The following CDH6 variants were observed in gnomAD, a reference collection of about 807,000 sequenced individuals.
CDH6 encodes cadherin 6.
A neutral mutation model predicts 78.0 loss-of-function variants in CDH6; 31 were observed. The ratio of observed to expected loss-of-function variants is 0.40; its 90% CI spans 0.30 to 0.54. The LOEUF (loss-of-function observed/expected upper bound fraction) is 0.54, where lower values mean the gene tolerates loss of function less well. Among genes scored for constraint, CDH6 ranks in the 20% least tolerant of loss-of-function variants. CDH6 has a pLI of 0.56. For synonymous variants in CDH6, 376 were observed against 368.8 expected, an observed-to-expected ratio of 1.02 and a Z score of -0.23; for missense variants, 724 against 975.9, an observed-to-expected ratio of 0.74 and a Z score of 3.44.
At chr5:31,318,632 G>C (rs972707369) in intron 11 of CDH6, 1 of 229,282 alleles carries the variant, frequency 4.4e-6, no homozygotes, top group African/African-American at 2.2e-5. Flanking sequence ...AAGCCTACAA[G>C]TCGAGCTCAG....
intron 1 of CDH6, among the ~76,000 whole-genome samples, chr5:31,196,883 C>T (rs973724412): frequency 6.6e-6 from 1 of 152,104 alleles, no homozygotes; most frequent in Non-Finnish European, 1.5e-5. Context: ...TACTTCCTTA[C>T]TTCTAATTTA....
chr5:31,219,728 T>G (rs754090895), intron 1 of CDH6, among the ~76,000 whole-genome samples: 23 of 152,198 alleles, frequency 1.5e-4, no homozygotes, highest in Non-Finnish European at 2.5e-4. Flanking sequence ...TATATATTGT[T>G]CTTTGTTGGG....
At chr5:31,222,892 G>A (rs941685368) in intron 1 of CDH6, among the ~76,000 whole-genome samples, 2 of 152,024 alleles carry the variant, frequency 1.3e-5, no homozygotes, top group African/African-American at 4.8e-5. Flanking sequence ...ATGATCCTTA[G>A]ATATTTGAGG....
chr5:31,290,152 C>T (rs908338858), intron 2 of CDH6, among the ~76,000 whole-genome samples: 91 of 152,062 alleles, frequency 6.0e-4, no homozygotes, highest in African/African-American at 1.8e-3. Flanking sequence ...CCCAGCTACA[C>T]GGCAGGCTGA....
Position 31,302,903 on chromosome 5 carries a change from A to AAAAGAAAGAAAGAAAGAAAGAAAGAAAG in CDH6, c.999+632_999+659dup, listed in dbSNP as rs70953502. 4.0e-4 allele frequency among the ~76,000 whole-genome samples: 36 copies of AAAAGAAAGAAAGAAAGAAAGAAAGAAAG among 90,420 alleles called. 1 individual carries two copies. Among genetic ancestry groups the AAAAGAAAGAAAGAAAGAAAGAAAGAAAG allele is most frequent in the Non-Finnish European group, 5.1e-4 (22 of 43,312 alleles). The allele number at this position is 90,420 out of a possible 152,430, so 59.3% of individuals were successfully genotyped here. Reference sequence around the variant, plus strand: ...GGAAGGAAGGAAAGAAAGAAAGAAAAAAAGAAAGAAAGAAAGAAAGAAAGA... The same window carrying AAAAGAAAGAAAGAAAGAAAGAAAGAAAG: ...GGAAGGAAGGAAAGAAAGAAAGAAAAAAAGAAAGAAAGAAAGAAAGAAAGAAAGAAAGAAAGAAAGAAAGAAAGAAAGA... On this transcript the variant is annotated intron_variant, in intron 6 of 11. Coordinates refer to ENST00000265071, the MANE Select transcript of CDH6 (RefSeq NM_004932.4).
At position 31,267,472 on chromosome 5, in the gene CDH6, G is replaced by C; in HGVS notation, c.-2G>C. 6.2e-7 allele frequency: 1 copy of C among 1,613,428 alleles called. No homozygotes were observed. Among genetic ancestry groups the C allele is most frequent in the Non-Finnish European group, 8.5e-7 (1 of 1,179,388 alleles). On this transcript the variant is annotated 5_prime_UTR_variant, in exon 2 of 12. Transcript: ENST00000265071. The stretch of plus-strand genomic sequence containing the variant: ...ACGCACAGACTCGACGGTGCCATCA[G>C]CATGAGAACTTACCGCTACTTCTTG...
chr5:31,248,316 G>C (rs185834837), intron 1 of CDH6, among the ~76,000 whole-genome samples: 2 of 152,134 alleles, frequency 1.3e-5, no homozygotes, highest in African/African-American at 4.8e-5. Context: ...CCACCTCTCT[G>C]TCCTTTTTCC....
In CDH6 at chr5:31,302,946, AGAAAGAAAGAAG is replaced by A. The variant is rs1474493753; in HGVS notation, c.999+657_999+668del. 4.0e-4 allele frequency among the ~76,000 whole-genome samples: 53 copies of A among 131,302 alleles called. 1 individual carries two copies. The highest frequency in any genetic ancestry group is 1.2e-3 in the African/African-American group (48 of 38,982). 86.1% of individuals were successfully genotyped at this position (131,302 alleles called of 152,430 possible). On this transcript the variant is annotated intron_variant, in intron 6 of 11. Transcript: ENST00000265071. ...AAGAAAGAAAGAAAGAAAGAAAGAA[AGAAAGAAAGAAG>A]GAAAGAAAAGAAAGAAAGAAAGAAA...
intron 7 of CDH6, among the ~76,000 whole-genome samples, chr5:31,308,629 G>A (rs561755102): frequency 1.3e-5 from 2 of 152,124 alleles, no homozygotes; most frequent in East Asian, 1.9e-4. Flanking sequence ...GAATGATGTG[G>A]GCATTTTAGA....
intron 7 of CDH6, among the ~76,000 whole-genome samples, chr5:31,307,752 C>G (rs1738026690): frequency 6.6e-6 from 1 of 152,146 alleles, no homozygotes; most frequent in Non-Finnish European, 1.5e-5. Context: ...TTGGTTATCT[C>G]CTTGATAGAT....
Position 31,323,434 on chromosome 5 carries a change from C to T in CDH6, c.*126C>T, listed in dbSNP as rs1416941278. On this transcript the variant is annotated 3_prime_UTR_variant, in exon 12 of 12. Coordinates refer to ENST00000265071, the MANE Select transcript of CDH6 (RefSeq NM_004932.4). The stretch of plus-strand genomic sequence containing the variant: ...GTTCCAAAAGCCAATGGCTGCAGTC[C>T]GTGTGGATCCAATGTTAGAGACTTT... The T allele has an allele frequency of 1.8e-6, 2 of 1,092,442 alleles. No homozygotes were observed. The highest frequency in any genetic ancestry group is 2.4e-5 in the East Asian group (1 of 41,194). 67.7% of individuals were successfully genotyped at this position (1,092,442 alleles called of 1,614,324 possible).
In CDH6 at chr5:31,302,235, G is replaced by A; in HGVS notation, c.936G>A (p.Gly312=). The change falls in exon 6 of 12, where the codon GGG becomes GGA. Residue 312 remains glycine, a synonymous_variant. Coordinates refer to ENST00000265071, the MANE Select transcript of CDH6 (RefSeq NM_004932.4). ...EIEYSITDGE[G]LDMFDVITDQ... is the part of the protein sequence containing the mutation. ...AGTACAGCATCACAGACGGTGAGGG[G>A]CTGGATATGTTTGATGTCATCACCG... 6.2e-7 allele frequency: 1 copy of A among 1,614,064 alleles called. No homozygotes were observed. The highest frequency in any genetic ancestry group is 1.1e-5 in the South Asian group (1 of 91,076).
chr5:31,304,179 AC>A (rs1161652748), intron 6 of CDH6, among the ~76,000 whole-genome samples: 1 of 147,628 alleles, frequency 6.8e-6, no homozygotes, highest in Non-Finnish European at 1.5e-5. Flanking sequence ...AAAAACAACA[AC>A]AACAAAAAAA....
chr5:31,318,149 G>A, intron 11 of CDH6: 1 of 610,374 alleles, frequency 1.6e-6, no homozygotes, highest in East Asian at 2.8e-5. Context: ...TGCTTGCCCA[G>A]GAAGCAAAGA....
chr5:31,304,666 AGAGC>A (rs1317353510), intron 6 of CDH6, among the ~76,000 whole-genome samples: 1 of 137,236 alleles, frequency 7.3e-6, no homozygotes, highest in African/African-American at 2.6e-5. Flanking sequence ...GCCTGGCGAC[AGAGC>A]GAGACTCCGT....
intron 2 of CDH6, among the ~76,000 whole-genome samples, chr5:31,280,973 G>A (rs1340526428): frequency 6.6e-6 from 1 of 151,456 alleles, no homozygotes; most frequent in African/African-American, 2.4e-5. Flanking sequence ...TTAATTCCCT[G>A]ATGGTATGAG....
rs1738576905 is a variant in CDH6, at chr5:31,324,652, T to G, written c.*1344T>G. On this transcript the variant is annotated 3_prime_UTR_variant, in exon 12 of 12. Coordinates refer to ENST00000265071, the MANE Select transcript of CDH6 (RefSeq NM_004932.4). ...CATCCTGCCATCCTTGACTTTGAAC[T>G]AATGATAAAGTAATGATCTCAAACT... 4.8e-6 allele frequency: 1 copy of G among 210,170 alleles called. No homozygotes were observed. The highest frequency in any genetic ancestry group is 9.7e-6 in the Non-Finnish European group (1 of 103,552). The allele number at this position is 210,170 out of a possible 1,614,324, so 13.0% of individuals were successfully genotyped here.
intron 3 of CDH6, among the ~76,000 whole-genome samples, chr5:31,295,304 G>A (rs1256126019): frequency 6.6e-6 from 1 of 151,990 alleles, no homozygotes; most frequent in African/African-American, 2.4e-5. Context: ...GCAATAGAAT[G>A]GCATTCTTTA....
intron 1 of CDH6, among the ~76,000 whole-genome samples, chr5:31,212,208 C>A (rs2111808183): frequency 6.6e-6 from 1 of 152,260 alleles, no homozygotes; most frequent in Non-Finnish European, 1.5e-5. Flanking sequence ...AATAGAACTT[C>A]CACAAGGGGC....
Sources: allele counts gnomAD v4.1 joint callset (sites outside exome capture counted in the v4.1 genomes callset), GRCh38; gene constraint gnomAD v4.1.1; transcripts MANE v1.5; gene names NCBI Gene and HGNC (gene_info 2026-07-23, HGNC 2026-07-21).